The following CCSER1 variants were observed in gnomAD, a reference collection of about 807,000 sequenced individuals.
CCSER1 encodes serine-rich coiled-coil domain-containing protein 1.
CCSER1 carries 41 observed loss-of-function variants against 82.0 expected under a neutral mutation model. The ratio of observed to expected loss-of-function variants is 0.50; its 90% CI spans 0.39 to 0.65. The LOEUF is 0.65. Among genes scored for constraint, CCSER1 ranks in the 30% least tolerant of loss-of-function variants. The pLI, the probability that CCSER1 is intolerant of heterozygous loss-of-function variation, is 0.00. For missense variants in CCSER1, 1,119 were observed against 1,064.2 expected (o/e 1.05, Z -0.72); for synonymous variants, 414 against 383.9 (o/e 1.08, Z -0.92).
chr4:90,153,925 T>C (rs1032981604), intron 1 of CCSER1, among the ~76,000 whole-genome samples: 3 of 152,208 alleles, frequency 2.0e-5, no homozygotes, highest in Non-Finnish European at 4.4e-5. Context: ...CCATTGCTTT[T>C]GGTGTTTTAG....
chr4:91,096,687 T>A (rs1353581715), intron 10 of CCSER1, among the ~76,000 whole-genome samples: 2 of 152,198 alleles, frequency 1.3e-5, no homozygotes, highest in East Asian at 3.8e-4. Flanking sequence ...TAGTCTCCTT[T>A]GAATCCTTTC....
chr4:91,283,728 C>A (rs771266357), intron 10 of CCSER1, among the ~76,000 whole-genome samples: 14 of 151,896 alleles, frequency 9.2e-5, no homozygotes, highest in Non-Finnish European at 1.6e-4. Flanking sequence ...ATTTTGATTT[C>A]TATTCATTTC....
At position 91,191,070 on chromosome 4, in the gene CCSER1, C is replaced by T. The variant is rs371783824; in HGVS notation, c.2217+105076C>T. 1.8e-3 allele frequency among the ~76,000 whole-genome samples: 277 copies of T among 152,230 alleles called. 2 individuals are homozygous for T. Among genetic ancestry groups the T allele is most frequent in the African/African-American group, 6.1e-3 (255 of 41,556 alleles). ...TTTGGATAGTATGTAATGTCTAATA[C>T]TTAATAGTATTGTTTGATGAATAAA... On this transcript the variant is annotated intron_variant, in intron 10 of 10. Coordinates refer to ENST00000509176, the MANE Select transcript of CCSER1 (RefSeq NM_001145065.2).
At chr4:90,536,376 G>C (rs1371113579) in intron 5 of CCSER1, among the ~76,000 whole-genome samples, 1 of 152,156 alleles carries the variant, frequency 6.6e-6, no homozygotes, top group African/African-American at 2.4e-5. Context: ...TCTCCCTTTA[G>C]TGAGAGTTGC....
intron 10 of CCSER1, among the ~76,000 whole-genome samples, chr4:91,276,035 A>G (rs111965370): frequency 1.3e-5 from 2 of 152,160 alleles, no homozygotes; most frequent in African/African-American, 4.8e-5. Flanking sequence ...TTTTGTACCA[A>G]TACCATTCTA....
chr4:90,390,657 C>G (rs1750851134), intron 3 of CCSER1, among the ~76,000 whole-genome samples: 1 of 152,144 alleles, frequency 6.6e-6, no homozygotes, highest in Non-Finnish European at 1.5e-5. Flanking sequence ...TGTATATGCA[C>G]CACATTTTCT....
chr4:90,990,976 G>A (rs115133383), intron 9 of CCSER1, among the ~76,000 whole-genome samples: 2,627 of 151,900 alleles, frequency 0.017, 43 homozygotes, highest in Non-Finnish European at 0.026. Context: ...TGATCAGATC[G>A]CAAGGAGCTG....
At chr4:91,198,680 T>A (rs1163869594) in intron 10 of CCSER1, among the ~76,000 whole-genome samples, 1 of 152,122 alleles carries the variant, frequency 6.6e-6, no homozygotes, top group African/African-American at 2.4e-5. Flanking sequence ...CATATAGTAC[T>A]AAAAGATGTA....
chr4:91,064,365 G>C (rs528353385), intron 9 of CCSER1, among the ~76,000 whole-genome samples: 2 of 152,306 alleles, frequency 1.3e-5, no homozygotes, highest in Admixed American at 1.3e-4. Flanking sequence ...ACAGTGAAAG[G>C]CTACACAACA....
At chr4:90,957,098 CTTTTTTT>C (rs1215668480) in intron 9 of CCSER1, among the ~76,000 whole-genome samples, 2 of 86,680 alleles carry the variant, frequency 2.3e-5, no homozygotes, top group African/African-American at 8.1e-5. Context: ...TCTTTCTTTC[CTTTTTTT>C]TTTTTTTTTT....
chr4:90,968,542 C>A (rs1480329397), intron 9 of CCSER1, among the ~76,000 whole-genome samples: 1 of 152,024 alleles, frequency 6.6e-6, no homozygotes, highest in Non-Finnish European at 1.5e-5. Flanking sequence ...ACTCTCAGCA[C>A]CCAACATGGC....
chr4:91,582,938 T>C (rs1294413477), intron 10 of CCSER1, among the ~76,000 whole-genome samples: 2 of 151,362 alleles, frequency 1.3e-5, no homozygotes, highest in African/African-American at 4.8e-5. Flanking sequence ...TATGAGAAAA[T>C]TTTAGAACTA....
At chr4:90,549,215 G>A (rs115691665) in intron 5 of CCSER1, among the ~76,000 whole-genome samples, 2,626 of 152,236 alleles carry the variant, frequency 0.017, 82 homozygotes, top group African/African-American at 0.06. Flanking sequence ...AAAACATGAT[G>A]TCTACCCATT....
intron 8 of CCSER1, among the ~76,000 whole-genome samples, chr4:90,817,084 G>C (rs796700647): frequency 6.6e-6 from 1 of 152,022 alleles, no homozygotes. Flanking sequence ...ACATATTGTA[G>C]TGTCAATTTT....
At chr4:91,002,671 T>G (rs1738142412) in intron 9 of CCSER1, among the ~76,000 whole-genome samples, 1 of 152,200 alleles carries the variant, frequency 6.6e-6, no homozygotes, top group East Asian at 1.9e-4. Flanking sequence ...TTTTAAAATT[T>G]TCTTAGATTG....
intron 4 of CCSER1, among the ~76,000 whole-genome samples, chr4:90,418,797 G>A (rs373509077): frequency 2.3e-4 from 35 of 152,116 alleles, no homozygotes; most frequent in East Asian, 1.5e-3. Flanking sequence ...CTTCACCTAA[G>A]AAGTTGGAAT....
At chr4:90,761,299 T>G (rs1750375984) in intron 7 of CCSER1, among the ~76,000 whole-genome samples, 1 of 152,142 alleles carries the variant, frequency 6.6e-6, no homozygotes, top group Non-Finnish European at 1.5e-5. Flanking sequence ...ACCAACAATA[T>G]TATCTTATTT....
intron 10 of CCSER1, among the ~76,000 whole-genome samples, chr4:91,327,123 C>G (rs1405008023): frequency 6.6e-6 from 1 of 152,196 alleles, no homozygotes; most frequent in Non-Finnish European, 1.5e-5. Context: ...CTTCACTAAT[C>G]AGTGCCCCAG....
intron 8 of CCSER1, among the ~76,000 whole-genome samples, chr4:90,845,462 C>T (rs1327579354): frequency 6.6e-6 from 1 of 151,764 alleles, no homozygotes; most frequent in Non-Finnish European, 1.5e-5. Context: ...ATAAATTTGC[C>T]CTTTCTCCCA....
Sources: gnomAD v4.1 joint callset for allele counts (sites outside exome capture counted in the v4.1 genomes callset) on GRCh38, gnomAD v4.1.1 for gene constraint, MANE v1.5 for transcripts, NCBI Gene and HGNC (gene_info 2026-07-23, HGNC 2026-07-21) for gene names.